Variants in STX16 observed in about 807,000 individuals in gnomAD.
STX16 encodes the protein syntaxin 16, also known as syntaxin-16.
In STX16, 28 loss-of-function variants were observed where a neutral mutation model predicts 42.7. The observed-to-expected ratio is 0.66, with a 90% CI of 0.49 to 0.90. The LOEUF is 0.90. STX16 is among the 40% of genes least tolerant of loss of function. The pLI, the probability that STX16 is intolerant of heterozygous loss-of-function variation, is 0.00. For synonymous variants in STX16, 156 were observed against 155.2 expected (o/e 1.00, Z -0.04); for missense variants, 361 against 420.9 (o/e 0.86, Z 1.24).
chr20:58,651,854 C>G lies in STX16; in HGVS notation c.-153C>G, dbSNP rs1337765017. ...GAGGGGTCTCTACGCCTTGGCGAAG[C>G]GCACAGCTGCATCTTTTTGGCTTGA... On this transcript the variant is annotated 5_prime_UTR_variant, in exon 1 of 9. Transcript: ENST00000371141. The G allele has an allele frequency of 1.3e-6, 1 of 751,946 alleles. No homozygotes were observed. Among genetic ancestry groups the G allele is most frequent in the South Asian group, 1.7e-5 (1 of 58,372 alleles). The allele number at this position is 751,946 out of a possible 1,614,324, so 46.6% of individuals were successfully genotyped here. A position where few individuals can be genotyped will look rare whatever the true frequency, so the allele number is the denominator to read the frequency against.
intron 1 of STX16, among the ~76,000 whole-genome samples, chr20:58,653,856 T>G (rs1005776969): frequency 2.2e-5 from 3 of 137,686 alleles, no homozygotes; most frequent in South Asian, 2.2e-4. Context: ...AACATGAGGG[T>G]TTTTTTTTTT....
At chr20:58,675,708 G>A (rs6123818) in intron 8 of STX16, among the ~76,000 whole-genome samples, 73,370 of 152,078 alleles carry the variant, frequency 0.48, 18,132 homozygotes, top group Non-Finnish European at 0.52. Context: ...AGGGGAGGTC[G>A]AAATGGGGCC....
At position 58,677,666 on chromosome 20, in the gene STX16, TTTAAGAA is replaced by T. The variant is rs1365648860; in HGVS notation, c.*1376_*1382del. On this transcript the variant is annotated 3_prime_UTR_variant, in exon 9 of 9. Transcript: ENST00000371141. Reference sequence around the variant, plus strand: ...CATTGTTTTTGCTTCTCTTAAAAAGTTTAAGAAGAATATGACCTCATTAAATGTGCTG... The same window carrying T: ...CATTGTTTTTGCTTCTCTTAAAAAGTGAATATGACCTCATTAAATGTGCTG... The T allele has an allele frequency of 6.6e-6, 1 of 152,200 alleles. No homozygotes were observed. Among genetic ancestry groups the T allele is most frequent in the Non-Finnish European group, 1.5e-5 (1 of 68,026 alleles). The allele number at this position is 152,200 out of a possible 1,614,324, so 9.4% of individuals were successfully genotyped here. A position where few individuals can be genotyped will look rare whatever the true frequency, so the allele number is the denominator to read the frequency against.
intron 1 of STX16, among the ~76,000 whole-genome samples, chr20:58,652,840 G>GA (rs2083501159): frequency 6.6e-6 from 1 of 151,786 alleles, no homozygotes; most frequent in African/African-American, 2.4e-5. Context: ...AGGTATATGT[G>GA]AAAATTAACC....
intron 7 of STX16, 62 bp from the exon 8 acceptor site, chr20:58,673,569 T>G (rs2084033104): frequency 3.5e-6 from 4 of 1,152,224 alleles, no homozygotes; most frequent in Non-Finnish European, 5.2e-6. Flanking sequence ...ATATCTCATT[T>G]TTGACGTTCA....
chr20:58,660,385 G>A (rs1473381418), intron 2 of STX16, among the ~76,000 whole-genome samples: 1 of 152,154 alleles, frequency 6.6e-6, no homozygotes, highest in Non-Finnish European at 1.5e-5. Context: ...GGTGAGGGTT[G>A]TTCTTGTTTG....
chr20:58,658,231 T>C lies in STX16; in HGVS notation c.133-1392T>C, dbSNP rs564407793. 2.4e-4 allele frequency among the ~76,000 whole-genome samples: 37 copies of C among 152,354 alleles called. No individual in the cohort carries two copies. The South Asian group carries it at 3.1e-3, about 13-fold the overall frequency. ...AGCCGCTGCAGAATAGGAAGAAGAC[T>C]GAGATACTCAAGTTAGGGATTTTGT... On this transcript the variant is annotated intron_variant, in intron 1 of 8. Transcript: ENST00000371141.
intron 1 of STX16, among the ~76,000 whole-genome samples, chr20:58,653,747 CAT>C (rs1431463231): frequency 6.6e-6 from 1 of 152,012 alleles, no homozygotes; most frequent in Non-Finnish European, 1.5e-5. Flanking sequence ...TACTGAAACT[CAT>C]ATTAAGATTT....
At chr20:58,664,386 C>T (rs916856042) in intron 2 of STX16, among the ~76,000 whole-genome samples, 3 of 152,150 alleles carry the variant, frequency 2.0e-5, no homozygotes, top group African/African-American at 7.2e-5. Context: ...TTATAATGAA[C>T]TATAGCTATA....
chr20:58,670,762 C>A (rs2083949675), intron 6 of STX16, among the ~76,000 whole-genome samples, 159 bp downstream of exon 6: 1 of 152,222 alleles, frequency 6.6e-6, no homozygotes, highest in Non-Finnish European at 1.5e-5. Context: ...AACAGCCGTA[C>A]TGTTTCTTCC....
At chr20:58,655,328 T>C (rs1051431118) in intron 1 of STX16, among the ~76,000 whole-genome samples, 6 of 152,350 alleles carry the variant, frequency 3.9e-5, no homozygotes, top group Admixed American at 3.3e-4. Flanking sequence ...TCAAAAAATT[T>C]AAACATGCAT....
Position 58,678,995 on chromosome 20 carries a change from TC to T in STX16, c.*2707del, listed in dbSNP as rs2084206822. Reference sequence around the variant, plus strand: ...TAGCAGGGCAGGCTCCCTCTGGGCATCCCTGGATGCAGCCTCTGGACACATG... The same window carrying T: ...TAGCAGGGCAGGCTCCCTCTGGGCATCCTGGATGCAGCCTCTGGACACATG... On this transcript the variant is annotated 3_prime_UTR_variant, in exon 9 of 9. Transcript: ENST00000371141. The T allele has an allele frequency of 6.6e-6, 1 of 152,270 alleles. No individual in the cohort carries two copies. The highest frequency in any genetic ancestry group is 1.5e-5 in the Non-Finnish European group (1 of 68,070). 9.4% of individuals were successfully genotyped at this position (152,270 alleles called of 1,614,324 possible).
intron 2 of STX16, among the ~76,000 whole-genome samples, chr20:58,666,887 G>A (rs2083847725): frequency 6.6e-6 from 1 of 152,246 alleles, no homozygotes; most frequent in African/African-American, 2.4e-5. Flanking sequence ...GAGATCTTAA[G>A]GATTGCTTTT....
chr20:58,652,382 C>CG (rs398036016), intron 1 of STX16: 6 of 580,150 alleles, frequency 1.0e-5, no homozygotes, highest in Middle Eastern at 4.6e-4. Context: ...CCCCCCCCCC[C>CG]GCACCCCCCG....
intron 8 of STX16, among the ~76,000 whole-genome samples, chr20:58,675,063 C>T (rs2084070824): frequency 6.6e-6 from 1 of 152,152 alleles, no homozygotes; most frequent in South Asian, 2.1e-4. Context: ...CGTGCTCCAT[C>T]TTCCCTCCAG....
intron 1 of STX16, among the ~76,000 whole-genome samples, chr20:58,652,864 C>G (rs893868555): frequency 6.2e-4 from 92 of 147,668 alleles, no homozygotes; most frequent in African/African-American, 2.2e-3. Context: ...TAAAATAGCA[C>G]TTTTTTTTTT....
intron 7 of STX16, among the ~76,000 whole-genome samples, chr20:58,672,675 C>T (rs138918011): frequency 5.1e-4 from 78 of 152,242 alleles, no homozygotes; most frequent in Non-Finnish European, 9.7e-4. Flanking sequence ...TCCCATGCCT[C>T]GAGGGTACTC....
At position 58,659,447 on chromosome 20, in the gene STX16, TA is replaced by T. The variant is rs754033649; in HGVS notation, c.133-164del. ...AAGCATATATTGATGTAGCTTAATTTAAAAAAAAAAAAGGAGATTTTAAAAT... is the reference window on the plus strand; with the variant it reads ...AAGCATATATTGATGTAGCTTAATTTAAAAAAAAAAAGGAGATTTTAAAAT... On this transcript the variant is annotated intron_variant, in intron 1 of 8. Coordinates refer to ENST00000371141, the MANE Select transcript of STX16 (RefSeq NM_001001433.3). 8.2e-3 allele frequency among the ~76,000 whole-genome samples: 1,177 copies of T among 144,170 alleles called. 4 individuals are homozygous for T. Among genetic ancestry groups the T allele is most frequent in the African/African-American group, 0.018 (727 of 39,782 alleles). The allele number at this position is 144,170 out of a possible 152,430, so 94.6% of individuals were successfully genotyped here. A position where few individuals can be genotyped will look rare whatever the true frequency, so the allele number is the denominator to read the frequency against.
chr20:58,653,672 T>C (rs2122889429), intron 1 of STX16, among the ~76,000 whole-genome samples: 1 of 152,326 alleles, frequency 6.6e-6, no homozygotes, highest in South Asian at 2.1e-4. Flanking sequence ...TTAATGGAAC[T>C]TCAGTAATGT....
Sources: allele counts gnomAD v4.1 joint callset (sites outside exome capture counted in the v4.1 genomes callset), GRCh38; gene constraint gnomAD v4.1.1; transcripts MANE v1.5; gene names NCBI Gene and HGNC (gene_info 2026-07-23, HGNC 2026-07-21).